Variants in TMED3 observed in about 807,000 individuals in gnomAD.
TMED3 encodes transmembrane p24 trafficking protein 3.
In TMED3, 9 loss-of-function variants were observed where a neutral mutation model predicts 15.0. The observed-to-expected ratio is 0.60, with a 90% CI of 0.36 to 1.04. TMED3 has a LOEUF of 1.04. TMED3 is among the 50% of genes least tolerant of loss of function. The pLI, the probability that TMED3 is intolerant of heterozygous loss-of-function variation, is 0.01. For missense variants in TMED3, 267 were observed against 278.9 expected, an observed-to-expected ratio of 0.96 and a Z score of 0.30; for synonymous variants, 117 against 121.4, an observed-to-expected ratio of 0.96 and a Z score of 0.24.
exon 3 of TMED3, chr15:79,411,884 C>G (rs2141261676): frequency 1.0e-5 from 2 of 193,472 alleles, no homozygotes; most frequent in Admixed American, 1.0e-4. Flanking sequence ...GACTTTAACC[C>G]TAGGGGGACT....
chr15:79,375,959 C>T (rs1057441539), intron 2 of TMED3, among the ~76,000 whole-genome samples: 1 of 152,104 alleles, frequency 6.6e-6, no homozygotes, highest in Non-Finnish European at 1.5e-5. Context: ...ATATGGCAGC[C>T]CTATGCTACA....
At chr15:79,405,351 C>T (rs1893888872) in intron 2 of TMED3, among the ~76,000 whole-genome samples, 1 of 152,208 alleles carries the variant, frequency 6.6e-6, no homozygotes, top group Non-Finnish European at 1.5e-5. Context: ...CTCCCAGTCA[C>T]ATGGCCTGAG....
At chr15:79,375,697 G>A (rs894535407) in intron 2 of TMED3, among the ~76,000 whole-genome samples, 7 of 152,180 alleles carry the variant, frequency 4.6e-5, no homozygotes, top group African/African-American at 1.7e-4. Context: ...CGTAAGGACA[G>A]CACCAAGAGG....
At chr15:79,342,483 G>GA (rs11435477) in intron 2 of TMED3, among the ~76,000 whole-genome samples, 14,092 of 152,058 alleles carry the variant, frequency 0.093, 689 homozygotes, top group Admixed American at 0.12. Flanking sequence ...ACATTACAAA[G>GA]AAAAAAATTT....
chr15:79,393,030 C>G (rs1893716343), intron 2 of TMED3, among the ~76,000 whole-genome samples: 1 of 152,224 alleles, frequency 6.6e-6, no homozygotes, highest in African/African-American at 2.4e-5. Flanking sequence ...TTATCACTAG[C>G]AAAAGAGCTA....
intron 2 of TMED3, among the ~76,000 whole-genome samples, chr15:79,371,288 A>G (rs1353467083): frequency 1.3e-5 from 2 of 152,202 alleles, no homozygotes. Context: ...AGATGTGGCT[A>G]TGTTAAGAAA....
intron 2 of TMED3, among the ~76,000 whole-genome samples, chr15:79,400,973 T>C (rs1893825968): frequency 6.6e-6 from 1 of 152,188 alleles, no homozygotes; most frequent in Non-Finnish European, 1.5e-5. Flanking sequence ...GAACTGGGTC[T>C]CAGAGAAACT....
At chr15:79,369,285 T>C (rs945390253) in intron 2 of TMED3, among the ~76,000 whole-genome samples, 4 of 152,070 alleles carry the variant, frequency 2.6e-5, no homozygotes, top group Non-Finnish European at 5.9e-5. Context: ...GAGATAATAG[T>C]TGAAAAACAT....
chr15:79,358,650 C>T (rs1049936965), intron 2 of TMED3, among the ~76,000 whole-genome samples: 5 of 152,180 alleles, frequency 3.3e-5, no homozygotes, highest in Non-Finnish European at 7.3e-5. Context: ...TGACCACTGC[C>T]TTCCAGTTAA....
chr15:79,367,701 G>T (rs930600902), intron 2 of TMED3, among the ~76,000 whole-genome samples: 1 of 152,130 alleles, frequency 6.6e-6, no homozygotes, highest in African/African-American at 2.4e-5. Context: ...TGGGTTGCAG[G>T]TACAGGATTT....
intron 2 of TMED3, among the ~76,000 whole-genome samples, chr15:79,382,360 C>G (rs1341841171): frequency 1.3e-5 from 2 of 152,254 alleles, no homozygotes; most frequent in Admixed American, 1.3e-4. Flanking sequence ...CCCCCAGACT[C>G]TGCTCTGTGT....
rs142403935 is a variant in TMED3, at chr15:79,336,526, C to T, written c.417+22521C>T. Among the ~76,000 whole-genome samples, 806 of 152,212 alleles carry T rather than the reference C, an allele frequency of 5.3e-3. 5 individuals are homozygous for T. Among genetic ancestry groups the T allele is most frequent in the Admixed American group, 7.7e-3 (117 of 15,290 alleles). The stretch of plus-strand genomic sequence containing the variant: ...TACAAAAATCAGCCAGGTGTGGTGG[C>T]AGGTGCTTGTAGTCCCAGCTACTTG... On this transcript the variant is annotated intron_variant, in intron 2 of 2. Transcript: ENST00000424155.
intron 2 of TMED3, among the ~76,000 whole-genome samples, chr15:79,353,403 AAT>A (rs199823329): frequency 1.5e-5 from 2 of 131,694 alleles, no homozygotes; most frequent in African/African-American, 2.9e-5. Flanking sequence ...TCTTTCAAAA[AAT>A]ATATATATAT....
intron 2 of TMED3, among the ~76,000 whole-genome samples, chr15:79,340,357 A>G (rs2058847132): frequency 6.6e-6 from 1 of 152,206 alleles, no homozygotes; most frequent in African/African-American, 2.4e-5. Flanking sequence ...AACATATCAC[A>G]GAGTGTCATG....
At chr15:79,383,193 G>T in intron 2 of TMED3, 1 of 628,138 alleles carries the variant, frequency 1.6e-6, no homozygotes, top group South Asian at 2.0e-5. Flanking sequence ...GTGGTAATCA[G>T]TATAGTCATT....
chr15:79,395,470 C>T (rs1198980844), intron 2 of TMED3, among the ~76,000 whole-genome samples: 2 of 152,172 alleles, frequency 1.3e-5, no homozygotes, highest in South Asian at 2.1e-4. Context: ...CTTGAGCCAC[C>T]GCGCCTGGCC....
rs188898110 is a variant in TMED3, at chr15:79,345,510, G to C, written c.417+31505G>C. Among the ~76,000 whole-genome samples, 273 of 152,228 alleles carry C rather than the reference G, an allele frequency of 1.8e-3. 4 individuals carry two copies. Among genetic ancestry groups the C allele is most frequent in the African/African-American group, 6.4e-3 (264 of 41,532 alleles). On this transcript the variant is annotated intron_variant, in intron 2 of 2. Coordinates refer to the TMED3 transcript ENST00000424155. Reference sequence around the variant, plus strand: ...TTTTTCTGGCTGCATAGTATTCCATGGTTTATATGTACCACATTTTCTTTA... The same window carrying C: ...TTTTTCTGGCTGCATAGTATTCCATCGTTTATATGTACCACATTTTCTTTA...
rs145890391 is a variant in TMED3, at chr15:79,342,761, G to A, written c.417+28756G>A. 8.3e-3 allele frequency among the ~76,000 whole-genome samples: 1,259 copies of A among 152,292 alleles called. 7 individuals carry two copies. The highest frequency in any genetic ancestry group is 0.011 in the Non-Finnish European group (766 of 68,024). ...AGTAGTTAATAACCATTTGTTAAGTGTCTGTGTTACACTGGGCCCTGCTTA... is the reference window on the plus strand; with the variant it reads ...AGTAGTTAATAACCATTTGTTAAGTATCTGTGTTACACTGGGCCCTGCTTA... On this transcript the variant is annotated intron_variant, in intron 2 of 2. Coordinates refer to the TMED3 transcript ENST00000424155.
Position 79,311,365 on chromosome 15 carries a change from A to G in TMED3, c.116A>G (p.Gln39Arg). 6.2e-7 allele frequency: 1 copy of G among 1,612,288 alleles called. No homozygotes were observed. Among genetic ancestry groups the G allele is most frequent in the East Asian group, 2.2e-5 (1 of 44,778 alleles). ...TTCGAGCTGCCGGACAACGCCAAGC[A>G]GTGCTTCCACGAGGAGGTGGAGCAG... is the stretch of plus-strand genomic sequence containing the variant. ...LTFELPDNAK[Q>R]CFHEEVEQGV... is the part of the protein sequence containing the mutation. The change falls in exon 1 of 3, where the codon CAG becomes CGG. Residue 39 changes from glutamine to arginine, a missense_variant. Physicochemically the swap from Gln to Arg is conservative, Grantham distance 43 (BLOSUM62 1). This residue lies in a region of TMED3 where 69 missense variants were observed against 106.8 expected (regional missense o/e 0.65). Transcript: ENST00000299705.
Sources: gnomAD v4.1 joint callset for allele counts (sites outside exome capture counted in the v4.1 genomes callset) on GRCh38, gnomAD v4.1.1 for gene constraint, gnomAD v4.1.1 regional missense constraint, MANE v1.5 for transcripts, NCBI Gene and HGNC (gene_info 2026-07-23, HGNC 2026-07-21) for gene names.